Variants in ADGRA3 observed in about 807,000 individuals in gnomAD.
ADGRA3 encodes adhesion G protein-coupled receptor A3.
In ADGRA3, 56 loss-of-function variants were observed where a neutral mutation model predicts 119.8. The observed-to-expected ratio is 0.47, with a 90% CI of 0.38 to 0.58. The LOEUF is 0.58. Ranked by LOEUF, ADGRA3 falls within the 20% of genes least tolerant of loss-of-function variation. The probability of loss-of-function intolerance (pLI) is 0.00; values close to 1 mark genes in which losing one functional copy is unlikely to be tolerated. For synonymous variants in ADGRA3, 607 were observed against 623.8 expected (o/e 0.97, Z 0.40); for missense variants, 1,516 against 1,649.0 (o/e 0.92, Z 1.40).
rs1457843166 is a variant in ADGRA3, at chr4:22,489,574, GACTA to G, written c.258-15735_258-15732del. Among the ~76,000 whole-genome samples, 7 of 152,178 alleles carry G rather than the reference GACTA, an allele frequency of 4.6e-5. No homozygotes were observed. In the South Asian group the frequency reaches 1.4e-3, roughly 32 times the overall value. ...CTTTCATTTGAAGAGAGACTTGTAA[GACTA>G]ACTACAAGCCAGGGAAACTGATGAA... On this transcript the variant is annotated intron_variant, in intron 1 of 18. Coordinates refer to ENST00000334304, the MANE Select transcript of ADGRA3 (RefSeq NM_145290.4).
chr4:22,450,485 C>T (rs1027844316), intron 4 of ADGRA3, among the ~76,000 whole-genome samples: 8 of 152,082 alleles, frequency 5.3e-5, no homozygotes, highest in Non-Finnish European at 7.4e-5. Flanking sequence ...AGGCTGGTCT[C>T]GAACTCCTGA....
At position 22,387,735 on chromosome 4, in the gene ADGRA3, AG is replaced by A. The variant is rs1158301678; in HGVS notation, c.3935del (p.Thr1312MetfsTer22). ...LGTDSTGNVR[T>X]GLWKHETTV is the part of the protein sequence containing the mutation. ...CAGTAGTTTCGTGTTTCCATAATCCAGTCCTAACATTGCCAGTGCTATCGGT... is the reference window on the plus strand; with the variant it reads ...CAGTAGTTTCGTGTTTCCATAATCCATCCTAACATTGCCAGTGCTATCGGT... On this transcript the variant is annotated frameshift_variant, in exon 19 of 19. Transcript: ENST00000334304. LOFTEE classifies it high-confidence loss of function. 6.2e-7 allele frequency: 1 copy of A among 1,611,858 alleles called. No individual in the cohort carries two copies. The highest frequency in any genetic ancestry group is 2.2e-5 in the East Asian group (1 of 44,836).
At chr4:22,436,723 A>G (rs1716410516) in intron 8 of ADGRA3, 82 bp from the exon 9 acceptor site, 1 of 1,182,884 alleles carries the variant, frequency 8.5e-7, no homozygotes, top group African/African-American at 1.5e-5. Context: ...AAAAAAATCA[A>G]AGATGAAGAT....
chr4:22,393,741 A>G (rs1409889732), intron 16 of ADGRA3: 1 of 152,210 alleles, frequency 6.6e-6, no homozygotes, highest in Non-Finnish European at 1.5e-5. Flanking sequence ...TTACTTATTA[A>G]GAATGTGATT....
chr4:22,474,929 A>G (rs1717984373), intron 1 of ADGRA3, among the ~76,000 whole-genome samples: 2 of 152,194 alleles, frequency 1.3e-5, no homozygotes, highest in South Asian at 4.1e-4. Context: ...ATACAAATGT[A>G]AATGGAGCAT....
chr4:22,499,508 C>G (rs1200591212), intron 1 of ADGRA3, among the ~76,000 whole-genome samples: 3 of 152,160 alleles, frequency 2.0e-5, no homozygotes, highest in African/African-American at 7.2e-5. Context: ...GTAGGAATGA[C>G]AGTTCCCTGC....
intron 14 of ADGRA3, among the ~76,000 whole-genome samples, chr4:22,412,845 C>T (rs191588803): frequency 4.9e-4 from 74 of 152,244 alleles, no homozygotes; most frequent in Non-Finnish European, 8.4e-4. Flanking sequence ...GTGTATCCTT[C>T]GGCAAATGAA....
intron 1 of ADGRA3, among the ~76,000 whole-genome samples, chr4:22,509,726 CTT>C (rs1163927327): frequency 6.6e-6 from 1 of 151,370 alleles, no homozygotes; most frequent in Non-Finnish European, 1.5e-5. Context: ...TAAGAAATGA[CTT>C]GGCCGGGCGC....
intron 10 of ADGRA3, among the ~76,000 whole-genome samples, chr4:22,432,747 T>G (rs1203104203): frequency 1.3e-5 from 2 of 152,166 alleles, no homozygotes; most frequent in African/African-American, 4.8e-5. Context: ...ACTAAATATA[T>G]CACTTAGATC....
At chr4:22,490,930 C>T (rs1019055311) in intron 1 of ADGRA3, among the ~76,000 whole-genome samples, 1 of 152,062 alleles carries the variant, frequency 6.6e-6, no homozygotes, top group Non-Finnish European at 1.5e-5. Flanking sequence ...ATCCTCTAGT[C>T]AGGTGTAAAT....
chr4:22,414,631 T>C, intron 12 of ADGRA3: 1 of 696,554 alleles, frequency 1.4e-6, no homozygotes, highest in Non-Finnish European at 2.6e-6. Context: ...CGAATCATGT[T>C]ATTCCAGTTT....
At position 22,436,573 on chromosome 4, in the gene ADGRA3, A is replaced by T. The variant is rs1716402588; in HGVS notation, c.1154T>A (p.Ile385Lys). The part of the protein sequence containing the change: ...QCTRNTHGSG[I>K]YPGNPQDERK... ...CTCATCCTGTGGGTTTCCGGGATAT[A>T]TCCCACTGCCATGGGTGTTCCGCGT... The change falls in exon 9 of 19, where the codon ATA becomes AAA. Residue 385 changes from isoleucine (I) to lysine (K), a missense_variant. Ile to Lys is a moderately radical substitution (Grantham distance 102). Coordinates refer to ENST00000334304, the MANE Select transcript of ADGRA3 (RefSeq NM_145290.4). The T allele has an allele frequency of 2.5e-6, 4 of 1,614,090 alleles. No homozygotes were observed. Among genetic ancestry groups the T allele is most frequent in the Non-Finnish European group, 3.4e-6 (4 of 1,179,974 alleles).
At chr4:22,464,613 C>T (rs991233213) in intron 2 of ADGRA3, among the ~76,000 whole-genome samples, 10 of 152,200 alleles carry the variant, frequency 6.6e-5, no homozygotes, top group East Asian at 3.9e-4. Flanking sequence ...AGCATGGCAG[C>T]GCTCACGCCT....
intron 10 of ADGRA3, among the ~76,000 whole-genome samples, chr4:22,425,382 T>C (rs373503265): frequency 6.6e-6 from 1 of 152,176 alleles, no homozygotes; most frequent in Non-Finnish European, 1.5e-5. Context: ...GATGTAAACA[T>C]CTGTCAGGAA....
At chr4:22,416,991 A>G (rs1201225909) in intron 12 of ADGRA3, among the ~76,000 whole-genome samples, 1 of 152,198 alleles carries the variant, frequency 6.6e-6, no homozygotes, top group Non-Finnish European at 1.5e-5. Flanking sequence ...AATCTACAGT[A>G]TTCTAACATG....
At chr4:22,505,566 G>A (rs1577389282) in intron 1 of ADGRA3, among the ~76,000 whole-genome samples, 1 of 151,372 alleles carries the variant, frequency 6.6e-6, no homozygotes, top group South Asian at 2.1e-4. Context: ...AGAACGGTTT[G>A]AGCCCGGGAG....
At chr4:22,449,848 A>C (rs75873887) in intron 4 of ADGRA3, among the ~76,000 whole-genome samples, 3 of 137,682 alleles carry the variant, frequency 2.2e-5, no homozygotes, top group Non-Finnish European at 3.1e-5. Flanking sequence ...CTCTGTCTCA[A>C]AAAAAAAAAA....
chr4:22,455,834 T>C (rs1717217035), intron 3 of ADGRA3: 1 of 1,287,914 alleles, frequency 7.8e-7, no homozygotes. Flanking sequence ...ACTCGCATCA[T>C]TGTTTTCAGT....
At position 22,434,117 on chromosome 4, in the gene ADGRA3, T is replaced by TTATA. The variant is rs537951634; in HGVS notation, c.1443+1190_1443+1193dup. ...ATTACCACATTGCAAGTACTAATTC[T>TTATA]TATATATATATTATATATAACAATA... On this transcript the variant is annotated intron_variant, in intron 10 of 18. Transcript: ENST00000334304. 9.9e-3 allele frequency among the ~76,000 whole-genome samples: 1,471 copies of TTATA among 148,738 alleles called. 29 individuals are homozygous for TTATA. The highest frequency in any genetic ancestry group is 0.034 in the African/African-American group (1,396 of 40,860).
Sources: allele counts gnomAD v4.1 joint callset (sites outside exome capture counted in the v4.1 genomes callset), GRCh38; gene constraint gnomAD v4.1.1; transcripts MANE v1.5; gene names NCBI Gene and HGNC (gene_info 2026-07-23, HGNC 2026-07-21).